Variants in SENP7 observed in about 807,000 individuals in gnomAD.
The protein encoded by SENP7 is SUMO specific peptidase 7, also known as sentrin-specific protease 7.
A neutral mutation model predicts 141.2 loss-of-function variants in SENP7; 64 were observed. That is an observed-to-expected ratio of 0.45 (90% confidence interval 0.37 to 0.56). The LOEUF (loss-of-function observed/expected upper bound fraction) is 0.56. Among genes scored for constraint, SENP7 ranks in the 20% least tolerant of loss-of-function variants. SENP7 has a pLI of 0.00. For synonymous variants in SENP7, 382 were observed against 426.4 expected (o/e 0.90, Z 1.28); for missense variants, 1,025 against 1,212.2 (o/e 0.85, Z 2.29).
At chr3:101,378,899 C>A (rs2060415553) in intron 6 of SENP7, among the ~76,000 whole-genome samples, 1 of 151,974 alleles carries the variant, frequency 6.6e-6, no homozygotes, top group South Asian at 2.1e-4. Flanking sequence ...GGAGTGAAAT[C>A]TTTTAAGTGT....
intron 4 of SENP7, among the ~76,000 whole-genome samples, chr3:101,420,083 G>A (rs753146672): frequency 6.6e-6 from 1 of 152,180 alleles, no homozygotes; most frequent in Non-Finnish European, 1.5e-5. Flanking sequence ...AAAAGTGATA[G>A]GAGGCCAGGC....
At chr3:101,394,260 T>C (rs1200187511) in intron 6 of SENP7, among the ~76,000 whole-genome samples, 1 of 152,172 alleles carries the variant, frequency 6.6e-6, no homozygotes, top group East Asian at 1.9e-4. Context: ...CCATCCATGT[T>C]GCTGCACATG....
At position 101,459,007 on chromosome 3, in the gene SENP7, T is replaced by C; in HGVS notation, c.232A>G (p.Asn78Asp). 1.2e-6 allele frequency: 2 copies of C among 1,610,416 alleles called. No individual in the cohort carries two copies. The change falls in exon 4 of 24, where the codon AAT becomes GAT. Residue 78 changes from asparagine to aspartate, a missense_variant. Coordinates refer to ENST00000394095, the MANE Select transcript of SENP7 (RefSeq NM_020654.5). ...GGACACCCTCGGATATGTTTTTTAT[T>C]TTTATGGTCTAGAGAGATGACTTTA... is the stretch of plus-strand genomic sequence containing the variant. ...RNKVISLDHK[N>D]KKHIRGCPVT...
At chr3:101,419,053 G>T (rs1033149463) in intron 4 of SENP7, among the ~76,000 whole-genome samples, 1 of 152,104 alleles carries the variant, frequency 6.6e-6, no homozygotes, top group South Asian at 2.1e-4. Flanking sequence ...CTATGAAGAA[G>T]AAATACAGAT....
chr3:101,337,078 A>C (rs1288786491), intron 17 of SENP7: 2 of 152,416 alleles, frequency 1.3e-5, no homozygotes, highest in African/African-American at 2.4e-5. Flanking sequence ...GCAGAGGAGG[A>C]AACTGCTATA....
intron 4 of SENP7, among the ~76,000 whole-genome samples, chr3:101,443,992 T>C (rs1364227207): frequency 1.3e-5 from 2 of 148,958 alleles, no homozygotes; most frequent in African/African-American, 5.0e-5. Context: ...AACCTACTCA[T>C]CTGACAAAGG....
chr3:101,324,321 A>T lies in SENP7; in HGVS notation c.*1622T>A, dbSNP rs912698590. On this transcript the variant is annotated 3_prime_UTR_variant, in exon 24 of 24. Coordinates refer to ENST00000394095, the MANE Select transcript of SENP7 (RefSeq NM_020654.5). ...AATATAAAACACTGATATCCTCAAA[A>T]CATTACTTGCACATTAATTTAGGAA... 2 of 152,098 alleles carry T rather than the reference A, an allele frequency of 1.3e-5. No homozygotes were observed. The highest frequency in any genetic ancestry group is 4.8e-5 in the African/African-American group (2 of 41,436). 9.4% of individuals were successfully genotyped at this position (152,098 alleles called of 1,614,324 possible).
chr3:101,462,999 A>G, intron 3 of SENP7, among the ~76,000 whole-genome samples: 1 of 152,200 alleles, frequency 6.6e-6, no homozygotes, highest in Non-Finnish European at 1.5e-5. Flanking sequence ...AAGTATTTGC[A>G]ATACACATAC....
intron 11 of SENP7, among the ~76,000 whole-genome samples, chr3:101,361,219 C>CCA (rs1559717101): frequency 6.9e-6 from 1 of 145,690 alleles, no homozygotes; most frequent in African/African-American, 2.5e-5. Flanking sequence ...TCCGCCCCCC[C>CCA]AAAAAAAAAA....
intron 7 of SENP7, among the ~76,000 whole-genome samples, chr3:101,370,227 A>G (rs936301045): frequency 6.6e-6 from 1 of 152,174 alleles, no homozygotes; most frequent in Non-Finnish European, 1.5e-5. Flanking sequence ...TCTTGAGGTA[A>G]CACTCCTGGG....
At chr3:101,480,514 A>G (rs1458440843) in intron 3 of SENP7, among the ~76,000 whole-genome samples, 3 of 152,166 alleles carry the variant, frequency 2.0e-5, no homozygotes, top group Non-Finnish European at 4.4e-5. Context: ...ATATACAAAA[A>G]TCAACTTAAG....
At chr3:101,500,052 C>G (rs2065315677) in intron 2 of SENP7, among the ~76,000 whole-genome samples, 1 of 152,170 alleles carries the variant, frequency 6.6e-6, no homozygotes, top group East Asian at 1.9e-4. Context: ...TCTATATGGT[C>G]TTCTAAGGTA....
intron 6 of SENP7, among the ~76,000 whole-genome samples, chr3:101,386,577 C>G (rs1167322115): frequency 1.3e-5 from 2 of 152,178 alleles, no homozygotes; most frequent in Non-Finnish European, 2.9e-5. Flanking sequence ...TGCTAACATT[C>G]CCCAAATCCA....
intron 4 of SENP7, among the ~76,000 whole-genome samples, chr3:101,424,279 A>C: frequency 6.6e-6 from 1 of 151,806 alleles, no homozygotes; most frequent in Non-Finnish European, 1.5e-5. Flanking sequence ...CACTCCCTCC[A>C]CACACCGCAG....
rs1399565111 is a variant in SENP7 at position 101,469,717 on chromosome 3, G to A, written c.187-10665C>T. ...CGGGCGCCTGTAGTCCCAGCTACTCGGGAGGCTGAGGCAGGAGAATGGCGT... is the reference window on the plus strand; with the variant it reads ...CGGGCGCCTGTAGTCCCAGCTACTCAGGAGGCTGAGGCAGGAGAATGGCGT... On this transcript the variant is annotated intron_variant, in intron 3 of 23. Transcript: ENST00000394095. 4.6e-5 allele frequency among the ~76,000 whole-genome samples: 5 copies of A among 108,122 alleles called. 1 individual carries two copies. Among genetic ancestry groups the A allele is most frequent in the African/African-American group, 9.5e-5 (3 of 31,462 alleles). The allele number at this position is 108,122 out of a possible 152,430, so 70.9% of individuals were successfully genotyped here. A position where few individuals can be genotyped will look rare whatever the true frequency, so the allele number is the denominator to read the frequency against.
chr3:101,407,064 G>A (rs2061328288), intron 5 of SENP7, among the ~76,000 whole-genome samples: 1 of 152,112 alleles, frequency 6.6e-6, no homozygotes, highest in South Asian at 2.1e-4. Context: ...CTGCTAAAAG[G>A]AGCTCTAAAC....
intron 4 of SENP7, among the ~76,000 whole-genome samples, chr3:101,442,784 G>C (rs2062729682): frequency 6.6e-6 from 1 of 151,736 alleles, no homozygotes; most frequent in Non-Finnish European, 1.5e-5. Flanking sequence ...TTCAACAATA[G>C]ACTAAGCAGA....
intron 4 of SENP7, among the ~76,000 whole-genome samples, chr3:101,426,568 C>T (rs2061966068): frequency 6.6e-6 from 1 of 151,986 alleles, no homozygotes; most frequent in South Asian, 2.1e-4. Context: ...CAACCTCTGC[C>T]TCCCAGGCTC....
At chr3:101,426,195 G>C (rs950112612) in intron 4 of SENP7, among the ~76,000 whole-genome samples, 4 of 152,178 alleles carry the variant, frequency 2.6e-5, no homozygotes, top group Admixed American at 2.0e-4. Context: ...AGCCTAGCTA[G>C]AGAGGCCTAG....
Sources: gnomAD v4.1 joint callset for allele counts (sites outside exome capture counted in the v4.1 genomes callset) on GRCh38, gnomAD v4.1.1 for gene constraint, MANE v1.5 for transcripts, NCBI Gene and HGNC (gene_info 2026-07-23, HGNC 2026-07-21) for gene names.